TTI1: variants seen among roughly 807,000 people sequenced by gnomAD.
The protein encoded by TTI1 is TELO2-interacting protein 1 homolog.
A neutral mutation model predicts 85.4 loss-of-function variants in TTI1; 52 were observed. The ratio of observed to expected loss-of-function variants is 0.61; its 90% CI spans 0.49 to 0.77. TTI1 has a LOEUF of 0.77. TTI1 is among the 30% of genes least tolerant of loss of function. TTI1 has a pLI of 0.00. For synonymous variants in TTI1, 512 were observed against 503.9 expected (o/e 1.02, Z -0.22); for missense variants, 1,173 against 1,296.0 (o/e 0.91, Z 1.46).
intron 3 of TTI1, among the ~76,000 whole-genome samples, chr20:38,005,092 G>A (rs775076855): frequency 6.6e-6 from 1 of 152,008 alleles, no homozygotes; most frequent in Non-Finnish European, 1.5e-5. Context: ...ACTATTTCCT[G>A]TTACACTGCT....
intron 7 of TTI1, among the ~76,000 whole-genome samples, chr20:37,984,419 C>T (rs759159409): frequency 5.9e-5 from 9 of 152,176 alleles, no homozygotes; most frequent in Non-Finnish European, 1.3e-4. Flanking sequence ...TTTTTATCTT[C>T]GTCTGAACTT....
chr20:38,014,026 G>T, intron 1 of TTI1, 169 bp from the exon 2 acceptor site: 1 of 614,194 alleles, frequency 1.6e-6, no homozygotes, highest in Non-Finnish European at 2.8e-6. Context: ...GGAAGTACAT[G>T]TACAGTTACA....
intron 3 of TTI1, among the ~76,000 whole-genome samples, chr20:38,003,375 T>C (rs1306689535): frequency 6.6e-6 from 1 of 152,230 alleles, no homozygotes; most frequent in Non-Finnish European, 1.5e-5. Flanking sequence ...CATACGTTTT[T>C]GCATGAGAGG....
intron 4 of TTI1, among the ~76,000 whole-genome samples, chr20:38,001,630 C>T (rs1235073327): frequency 6.6e-6 from 1 of 152,160 alleles, no homozygotes; most frequent in Non-Finnish European, 1.5e-5. Context: ...TTGAGATAAT[C>T]TGTGGATCAG....
intron 2 of TTI1, among the ~76,000 whole-genome samples, chr20:38,007,851 A>G (rs990553100): frequency 1.1e-4 from 17 of 152,204 alleles, no homozygotes; most frequent in Non-Finnish European, 1.6e-4. Flanking sequence ...ACATTCTTCA[A>G]ACTGCATCCC....
At chr20:38,031,410 T>G (rs1435085328) in intron 1 of TTI1, among the ~76,000 whole-genome samples, 2 of 152,198 alleles carry the variant, frequency 1.3e-5, no homozygotes, top group African/African-American at 4.8e-5. Flanking sequence ...ATAAACTTGG[T>G]TTTCCCTCTT....
At chr20:38,011,389 G>A (rs2073584472) in intron 2 of TTI1, 126 bp downstream of exon 2, 1 of 1,056,222 alleles carries the variant, frequency 9.5e-7, no homozygotes, top group African/African-American at 1.6e-5. Flanking sequence ...CTATGGGACT[G>A]GAGAGAAAAT....
intron 7 of TTI1, among the ~76,000 whole-genome samples, chr20:37,991,823 C>T (rs2073269351): frequency 6.6e-6 from 1 of 152,218 alleles, no homozygotes; most frequent in South Asian, 2.1e-4. Context: ...CTTGTTCCCT[C>T]TAATTCCAGT....
Position 38,012,453 on chromosome 20 carries a change from T to C in TTI1, c.1364A>G (p.Asp455Gly), listed in dbSNP as rs1231364682. ...IVEERRWNSD[D>G]LNASPKTSAT... is the part of the protein sequence containing the mutation. ...TGAGGTCTTTGGAGAAGCATTCAGA[T>C]CATCAGAGTTCCAACGCCGTTCCTC... Residue 455 changes from aspartate (D) to glycine (G), a missense_variant, in exon 2 of 8, where the codon GAT (aspartate) becomes GGT (glycine). Coordinates refer to ENST00000373447, the MANE Select transcript of TTI1 (RefSeq NM_001303457.2). 4 of 1,614,180 alleles carry C rather than the reference T, an allele frequency of 2.5e-6. No homozygotes were observed. The highest frequency in any genetic ancestry group is 3.3e-4 in the Middle Eastern group (2 of 6,062).
chr20:38,010,684 G>A (rs1374808434), intron 2 of TTI1, among the ~76,000 whole-genome samples: 3 of 151,616 alleles, frequency 2.0e-5, no homozygotes, highest in African/African-American at 7.3e-5. Flanking sequence ...CACCATGTTA[G>A]CAAGGATGGT....
At chr20:38,007,603 A>G (rs1460661805) in intron 2 of TTI1, among the ~76,000 whole-genome samples, 1 of 152,236 alleles carries the variant, frequency 6.6e-6, no homozygotes, top group Non-Finnish European at 1.5e-5. Context: ...AACAACAACA[A>G]CAACAAATCC....
chr20:38,006,269 G>A lies in TTI1; in HGVS notation c.2431C>T (p.Gln811Ter), dbSNP rs746398512. The A allele has an allele frequency of 9.9e-6, 16 of 1,614,074 alleles. No homozygotes were observed. The highest frequency in any genetic ancestry group is 1.3e-5 in the Non-Finnish European group (15 of 1,180,042). ...KSTTTAEDIE[Q>*]FLLNYLKEKD... is the part of the protein sequence containing the mutation. ...TCTTTGAGGTAGTTCAGCAAAAACT[G>A]TTCGATGTCTTCAGCTGTGGTGGTG... Residue 811 changes from glutamine to a stop codon, truncating the protein, a stop_gained, in exon 3 of 8, where the codon CAG (glutamine) becomes TAG (stop). Coordinates refer to ENST00000373447, the MANE Select transcript of TTI1 (RefSeq NM_001303457.2). LOFTEE classifies it high-confidence loss of function.
chr20:38,030,528 A>AACACACACACACAC lies in TTI1; in HGVS notation c.-42+2862_-42+2875dup, dbSNP rs3038751. On this transcript the variant is annotated intron_variant, in intron 1 of 7. Coordinates refer to ENST00000373447, the MANE Select transcript of TTI1 (RefSeq NM_001303457.2). Reference sequence around the variant, plus strand: ...TATTAGGAAATTCAGCAGTATGTAAAACACACACACACACACACACACACA... The same window carrying AACACACACACACAC: ...TATTAGGAAATTCAGCAGTATGTAAAACACACACACACACACACACACACACACACACACACACA... Among the ~76,000 whole-genome samples, 723 of 144,922 alleles carry AACACACACACACAC rather than the reference A, an allele frequency of 5.0e-3. 12 individuals are homozygous for AACACACACACACAC. Among genetic ancestry groups the AACACACACACACAC allele is most frequent in the African/African-American group, 0.015 (581 of 38,714 alleles).
At chr20:37,990,647 C>T (rs1428167626) in intron 7 of TTI1, among the ~76,000 whole-genome samples, 1 of 152,216 alleles carries the variant, frequency 6.6e-6, no homozygotes, top group Non-Finnish European at 1.5e-5. Context: ...ACAACATTTA[C>T]TTCCACGCCT....
intron 7 of TTI1, among the ~76,000 whole-genome samples, chr20:37,989,162 G>A (rs2073229482): frequency 6.6e-6 from 1 of 152,124 alleles, no homozygotes; most frequent in Admixed American, 6.5e-5. Context: ...TTGAAGCAAC[G>A]ATTTACTCTC....
At chr20:38,033,281 T>C (rs920456160) in intron 1 of TTI1, 123 bp downstream of exon 1, 5 of 152,222 alleles carry the variant, frequency 3.3e-5, no homozygotes, top group Non-Finnish European at 5.9e-5. Flanking sequence ...CCCGCCAGAT[T>C]AGAAAGGAAA....
At chr20:38,002,897 G>GA in intron 3 of TTI1, 121 bp from the exon 4 acceptor site, 2 of 1,325,246 alleles carry the variant, frequency 1.5e-6, no homozygotes, top group East Asian at 4.7e-5. Context: ...CAAATGGACT[G>GA]AGACACCTCC....
rs935172913 is a variant in TTI1, at chr20:38,012,581, G to A, written c.1236C>T (p.Gly412=). 1.2e-6 allele frequency: 2 copies of A among 1,614,144 alleles called. No homozygotes were observed. The highest frequency in any genetic ancestry group is 1.7e-6 in the Non-Finnish European group (2 of 1,180,032). ...SLLLGYLKLL[G]PKINFVLNSV... is the part of the protein sequence containing the mutation. ...AGTTGAGGACAAAGTTTATTTTTGG[G>A]CCCAAGAGTTTCAGATAACCAAGTA... The change falls in exon 2 of 8, where the codon GGC becomes GGT. Residue 412 remains glycine, a synonymous_variant. Coordinates refer to ENST00000373447, the MANE Select transcript of TTI1 (RefSeq NM_001303457.2).
rs187154146 is a variant in TTI1, at chr20:37,983,828, C to A, written c.3087-189G>T. On this transcript the variant is annotated intron_variant, in intron 7 of 7. Coordinates refer to ENST00000373447, the MANE Select transcript of TTI1 (RefSeq NM_001303457.2). ...GGACCAGTAGGATGGTCCCAAAGCC[C>A]AACCGAAATACAGGTAACAGTTTCA... is the stretch of plus-strand genomic sequence containing the variant. Among the ~76,000 whole-genome samples the A allele has an allele frequency of 7.9e-4, 120 of 152,326 alleles. 1 individual carries two copies. Among genetic ancestry groups the A allele is most frequent in the Non-Finnish European group, 1.5e-3 (101 of 68,022 alleles).
Sources: gnomAD v4.1 joint callset for allele counts (sites outside exome capture counted in the v4.1 genomes callset) on GRCh38, gnomAD v4.1.1 for gene constraint, MANE v1.5 for transcripts, NCBI Gene and HGNC (gene_info 2026-07-23, HGNC 2026-07-21) for gene names.